The following NPAS3 variants were observed in gnomAD, a reference collection of about 807,000 sequenced individuals.
NPAS3 encodes the protein neuronal PAS domain-containing protein 3.
Under a neutral mutation model 73.1 loss-of-function variants are expected in NPAS3, and 14 were observed. That is an observed-to-expected ratio of 0.19 (90% CI 0.13 to 0.30). The LOEUF is 0.30. Ranked by LOEUF, NPAS3 falls within the 10% of genes least tolerant of loss-of-function variation. NPAS3 has a pLI of 1.00. For missense variants in NPAS3, 1,096 were observed against 1,250.0 expected, an observed-to-expected ratio of 0.88 and a Z score of 1.86; for synonymous variants, 620 against 541.5, an observed-to-expected ratio of 1.14 and a Z score of -2.01.
chr14:33,082,229 A>C (rs1353332609), intron 2 of NPAS3, among the ~76,000 whole-genome samples: 1 of 152,128 alleles, frequency 6.6e-6, no homozygotes, highest in Non-Finnish European at 1.5e-5. Flanking sequence ...ATAAGACAAT[A>C]TTGGTTTGTT....
chr14:33,628,781 T>G (rs1397518707), intron 5 of NPAS3, among the ~76,000 whole-genome samples: 1 of 152,206 alleles, frequency 6.6e-6, no homozygotes, highest in East Asian at 1.9e-4. Flanking sequence ...AAGCCTGGGC[T>G]CCTGGGTATT....
At chr14:33,292,188 G>A (rs1276281673) in intron 3 of NPAS3, among the ~76,000 whole-genome samples, 1 of 152,110 alleles carries the variant, frequency 6.6e-6, no homozygotes, top group Non-Finnish European at 1.5e-5. Context: ...GTTTGAAAAA[G>A]CATTGCAGTT....
At chr14:33,274,478 C>T (rs2140028577) in intron 3 of NPAS3, among the ~76,000 whole-genome samples, 1 of 152,290 alleles carries the variant, frequency 6.6e-6, no homozygotes, top group East Asian at 1.9e-4. Context: ...CCATATCTAG[C>T]TGGCTTCCAA....
chr14:33,635,419 A>G (rs933312044), intron 5 of NPAS3, among the ~76,000 whole-genome samples: 1 of 152,208 alleles, frequency 6.6e-6, no homozygotes, highest in African/African-American at 2.4e-5. Flanking sequence ...AGTTAGAAGA[A>G]GAAAAGCAAG....
chr14:33,694,176 C>T (rs942990054), intron 6 of NPAS3, among the ~76,000 whole-genome samples: 10 of 151,424 alleles, frequency 6.6e-5, no homozygotes, highest in African/African-American at 2.2e-4. Context: ...CAGCCATCTG[C>T]AACCCCCTCG....
chr14:32,968,220 A>T (rs1221890191), intron 1 of NPAS3, among the ~76,000 whole-genome samples: 1 of 152,188 alleles, frequency 6.6e-6, no homozygotes, highest in Non-Finnish European at 1.5e-5. Flanking sequence ...AATAGCTAGA[A>T]GAGAGGATTT....
rs145885234 is a variant in NPAS3 at position 33,498,624 on chromosome 14, A to C, written c.469-61497A>C. On this transcript the variant is annotated intron_variant, in intron 4 of 11. Transcript: ENST00000356141. Reference sequence around the variant, plus strand: ...CCAAACACCGCATGTTCTCACTCGTAAGTGGGAGTTGAACAATGGGAACAC... The same window carrying C: ...CCAAACACCGCATGTTCTCACTCGTCAGTGGGAGTTGAACAATGGGAACAC... 5.9e-3 allele frequency among the ~76,000 whole-genome samples: 894 copies of C among 152,202 alleles called. 7 individuals are homozygous for C. The highest frequency in any genetic ancestry group is 0.014 in the South Asian group (67 of 4,828).
intron 3 of NPAS3, among the ~76,000 whole-genome samples, chr14:33,354,749 A>G (rs989620996): frequency 6.6e-6 from 1 of 152,186 alleles, no homozygotes; most frequent in African/African-American, 2.4e-5. Context: ...CTCAGAACTC[A>G]TACTGCGCTC....
chr14:33,114,934 A>G (rs557252082), intron 2 of NPAS3, among the ~76,000 whole-genome samples: 2 of 152,302 alleles, frequency 1.3e-5, no homozygotes, highest in African/African-American at 4.8e-5. Flanking sequence ...GCCTGAGGAT[A>G]TGGGCTGTGG....
intron 7 of NPAS3, among the ~76,000 whole-genome samples, chr14:33,738,887 A>AT (rs1431809326): frequency 6.6e-6 from 1 of 152,154 alleles, no homozygotes; most frequent in East Asian, 1.9e-4. Context: ...GGTATAGCGC[A>AT]TGGGGTAAAA....
At chr14:33,022,036 C>A (rs554701990) in intron 1 of NPAS3, among the ~76,000 whole-genome samples, 12 of 152,300 alleles carry the variant, frequency 7.9e-5, no homozygotes, top group Admixed American at 3.3e-4. Flanking sequence ...CTGCATCTGT[C>A]AGATCCCAAA....
chr14:33,526,841 C>CA (rs1369413345), intron 4 of NPAS3, among the ~76,000 whole-genome samples: 1 of 152,018 alleles, frequency 6.6e-6, no homozygotes, highest in African/African-American at 2.4e-5. Context: ...GAGGGTTGCC[C>CA]AGCCCTTCAG....
chr14:32,978,995 C>G (rs538368125), intron 1 of NPAS3, among the ~76,000 whole-genome samples: 1 of 152,120 alleles, frequency 6.6e-6, no homozygotes, highest in East Asian at 1.9e-4. Flanking sequence ...CGTAAGGGCT[C>G]AAAAAATAAC....
intron 1 of NPAS3, among the ~76,000 whole-genome samples, chr14:33,015,590 C>G (rs1167778449): frequency 6.6e-6 from 1 of 151,130 alleles, no homozygotes; most frequent in Non-Finnish European, 1.5e-5. Flanking sequence ...ACTAACCTTT[C>G]TCTTTGCAAG....
rs143704005 is a variant in NPAS3 at position 33,181,454 on chromosome 14, G to A, written c.141-33728G>A. 2.8e-3 allele frequency among the ~76,000 whole-genome samples: 428 copies of A among 152,320 alleles called. 2 individuals are homozygous for A. Among genetic ancestry groups the A allele is most frequent in the African/African-American group, 9.7e-3 (405 of 41,562 alleles). ...TGTCTCAATTTTGCATAGTGAGATAGTGGGACAATGAGTCCCTCCCATGTG... is the reference window on the plus strand; with the variant it reads ...TGTCTCAATTTTGCATAGTGAGATAATGGGACAATGAGTCCCTCCCATGTG... On this transcript the variant is annotated intron_variant, in intron 2 of 11. Coordinates refer to ENST00000356141, the Ensembl canonical transcript of NPAS3.
At chr14:32,962,026 A>C (rs748659711) in intron 1 of NPAS3, among the ~76,000 whole-genome samples, 8 of 152,200 alleles carry the variant, frequency 5.3e-5, no homozygotes, top group Non-Finnish European at 7.3e-5. Flanking sequence ...GTTCATTTGC[A>C]GCTTTGGGGT....
chr14:33,093,010 G>A (rs4548781), intron 2 of NPAS3, among the ~76,000 whole-genome samples: 66,644 of 151,960 alleles, frequency 0.44, 16,234 homozygotes, highest in African/African-American at 0.67. Flanking sequence ...TAAAACCGTA[G>A]AAACCCTAGA....
chr14:33,573,390 A>G (rs1042025155), intron 5 of NPAS3, among the ~76,000 whole-genome samples: 11 of 152,218 alleles, frequency 7.2e-5, no homozygotes, highest in African/African-American at 2.7e-4. Flanking sequence ...GATGACCTAC[A>G]AGTAGTAAGT....
chr14:33,572,910 C>G (rs2056276896), intron 5 of NPAS3, among the ~76,000 whole-genome samples: 1 of 151,166 alleles, frequency 6.6e-6, no homozygotes, highest in Admixed American at 6.6e-5. Context: ...GTAGTCCCAG[C>G]TACTCGGGAG....
Sources: allele counts gnomAD v4.1 joint callset (sites outside exome capture counted in the v4.1 genomes callset), GRCh38; gene constraint gnomAD v4.1.1; transcripts MANE v1.5; gene names NCBI Gene and HGNC (gene_info 2026-07-23, HGNC 2026-07-21).